Variants in ENG observed in about 807,000 individuals in gnomAD.
ENG encodes endoglin.
Under a neutral mutation model 71.0 loss-of-function variants are expected in ENG, and 17 were observed. That is an observed-to-expected ratio of 0.24 (90% CI 0.16 to 0.36). The LOEUF (loss-of-function observed/expected upper bound fraction) is 0.36. Among genes scored for constraint, ENG ranks in the 10% least tolerant of loss-of-function variants. The pLI is 1.00. For synonymous variants in ENG, 360 were observed against 366.9 expected, an observed-to-expected ratio of 0.98 and a Z score of 0.21; for missense variants, 749 against 868.3, an observed-to-expected ratio of 0.86 and a Z score of 1.73.
chr9:127,819,854 G>A (rs199886604), intron 9 of ENG, 46 bp downstream of exon 9: 455 of 1,613,954 alleles, frequency 2.8e-4, no homozygotes, highest in South Asian at 6.0e-4. Context: ...ACCTGAGGGG[G>A]CACCAACCAG....
chr9:127,825,008 A>G (rs758344251), intron 6 of ENG, 34 bp from the exon 7 acceptor site: 15 of 1,606,288 alleles, frequency 9.3e-6, no homozygotes, highest in South Asian at 2.2e-5. Flanking sequence ...ACAGGGGGCC[A>G]TGGACACAGT....
chr9:127,817,792 T>C, intron 12 of ENG: 1 of 478,124 alleles, frequency 2.1e-6, no homozygotes, highest in Non-Finnish European at 3.9e-6. Context: ...CTGGTGACCA[T>C]ACTACATGGA....
At chr9:127,829,150 A>T (rs2131894409) in intron 3 of ENG, among the ~76,000 whole-genome samples, 1 of 152,282 alleles carries the variant, frequency 6.6e-6, no homozygotes, top group South Asian at 2.1e-4. Flanking sequence ...TGAGTTTTTT[A>T]AAAATACTTT....
chr9:127,846,462 C>T lies in ENG; in HGVS notation c.68-3217G>A, dbSNP rs1334297080. Reference sequence around the variant, plus strand: ...CTCCCTCCTTCCCTTTGGGACTTTCCCTGCCCCCTCCCCAGACTTCCAGGA... The same window carrying T: ...CTCCCTCCTTCCCTTTGGGACTTTCTCTGCCCCCTCCCCAGACTTCCAGGA... On this transcript the variant is annotated intron_variant, in intron 1 of 14. Coordinates refer to ENST00000373203, the MANE Select transcript of ENG (RefSeq NM_001114753.3). The surrounding 1 kb of genome is among the most constrained non-coding windows in gnomAD (Gnocchi z 5.5). 6.6e-6 allele frequency among the ~76,000 whole-genome samples: 1 copy of T among 152,190 alleles called. No homozygotes were observed. The highest frequency in any genetic ancestry group is 2.4e-5 in the African/African-American group (1 of 41,444).
rs41499746 is a variant in ENG at position 127,852,457 on chromosome 9, G to A, written c.67+1832C>T. Among the ~76,000 whole-genome samples, 1,326 of 152,272 alleles carry A rather than the reference G, an allele frequency of 8.7e-3. 22 individuals carry two copies. Among genetic ancestry groups the A allele is most frequent in the African/African-American group, 0.031 (1,280 of 41,554 alleles). On this transcript the variant is annotated intron_variant, in intron 1 of 14. Transcript: ENST00000373203. Reference sequence around the variant, plus strand: ...AGCTTCCCAGACCATAAATGAGTTGGGTTGATGGTCTGTTGTACCTTTGAG... The same window carrying A: ...AGCTTCCCAGACCATAAATGAGTTGAGTTGATGGTCTGTTGTACCTTTGAG...
Position 127,816,065 on chromosome 9 carries a change from C to G in ENG, c.1742-12G>C. On this transcript the variant is annotated splice_polypyrimidine_tract_variant and intron_variant, in intron 13 of 14. Coordinates refer to ENST00000373203, the MANE Select transcript of ENG (RefSeq NM_001114753.3). Reference sequence around the variant, plus strand: ...TTTGCTTGTGCAACCTAGAGAGGGCCGACGCCATCAGCACTGCCACTCTGC... The same window carrying G: ...TTTGCTTGTGCAACCTAGAGAGGGCGGACGCCATCAGCACTGCCACTCTGC... 1 of 1,606,640 alleles carries G rather than the reference C, an allele frequency of 6.2e-7. No individual in the cohort carries two copies. The highest frequency in any genetic ancestry group is 8.5e-7 in the Non-Finnish European group (1 of 1,177,934).
chr9:127,826,684 T>C lies in ENG; in HGVS notation c.361-12A>G. 1.9e-6 allele frequency: 3 copies of C among 1,613,054 alleles called. No individual in the cohort carries two copies. In the South Asian group the frequency reaches 3.3e-5, roughly 18 times the overall value. On this transcript the variant is annotated splice_polypyrimidine_tract_variant and intron_variant, in intron 3 of 14. Coordinates refer to ENST00000373203, the MANE Select transcript of ENG (RefSeq NM_001114753.3). ...ACCAGGCTGGAATTCTGGGGAGACA[T>C]GTGGAGGCTCAGCACGCTGTTCCTG... is the stretch of plus-strand genomic sequence containing the variant.
chr9:127,834,663 A>G (rs1356003917), intron 2 of ENG, among the ~76,000 whole-genome samples: 1 of 151,814 alleles, frequency 6.6e-6, no homozygotes, highest in Non-Finnish European at 1.5e-5. Context: ...TCAGCCTCCC[A>G]AAGTGCTGGG....
intron 3 of ENG, among the ~76,000 whole-genome samples, chr9:127,829,276 C>T (rs897717289): frequency 6.6e-6 from 1 of 152,204 alleles, no homozygotes; most frequent in African/African-American, 2.4e-5. Flanking sequence ...ACTGTTAACA[C>T]GTTAGGTTTT....
At chr9:127,821,917 G>C (rs923541072) in intron 8 of ENG, among the ~76,000 whole-genome samples, 2 of 148,582 alleles carry the variant, frequency 1.3e-5, no homozygotes, top group Non-Finnish European at 3.0e-5. Context: ...AGGCGTGGTG[G>C]TGCACGCCTG....
intron 13 of ENG, chr9:127,816,856 G>C (rs1830331967): frequency 1.9e-6 from 1 of 514,700 alleles, no homozygotes; most frequent in Non-Finnish European, 3.5e-6. Flanking sequence ...TCCCAGCAAG[G>C]TCAGCCAATA....
chr9:127,817,896 G>A, intron 12 of ENG: 1 of 623,210 alleles, frequency 1.6e-6, no homozygotes, highest in Non-Finnish European at 2.8e-6. Context: ...ATGGACAGTG[G>A]CAGCTGCATA....
rs767171893 is a variant in ENG at position 127,824,849 on chromosome 9, G to A, written c.942C>T (p.Phe314=). ...RMLNASIVAS[F]VELPLASIVS... ...CAATGCTGGCCAGCGGTAGCTCCAC[G>A]AAGGATGCCACAATGCTGGCATTGA... Residue 314 remains phenylalanine (F), a synonymous_variant, in exon 7 of 15, where the codon TTC becomes TTT. Transcript: ENST00000373203. The A allele has an allele frequency of 5.0e-6, 8 of 1,604,454 alleles. No individual in the cohort carries two copies. Among genetic ancestry groups the A allele is most frequent in the East Asian group, 2.2e-5 (1 of 44,762 alleles).
intron 1 of ENG, among the ~76,000 whole-genome samples, chr9:127,852,121 G>A (rs1013689643): frequency 5.3e-5 from 8 of 152,120 alleles, no homozygotes; most frequent in Admixed American, 1.3e-4. Flanking sequence ...ATGACATTCC[G>A]TCGTGTGGTA....
Position 127,820,324 on chromosome 9 carries a change from G to T in ENG, c.1135-287C>A, listed in dbSNP as rs189787521. Among the ~76,000 whole-genome samples the T allele has an allele frequency of 9.7e-4, 148 of 151,980 alleles. 1 individual carries two copies. The highest frequency in any genetic ancestry group is 8.1e-3 in the Admixed American group (124 of 15,272). The stretch of plus-strand genomic sequence containing the variant: ...TTCTCCTGCCTTGGCCTCCTGAGTT[G>T]CTGGGATTACAGGCACGTGCCACCA... On this transcript the variant is annotated intron_variant, in intron 8 of 14. Coordinates refer to ENST00000373203, the MANE Select transcript of ENG (RefSeq NM_001114753.3).
chr9:127,853,061 T>C (rs1417291162), intron 1 of ENG, among the ~76,000 whole-genome samples: 1 of 152,206 alleles, frequency 6.6e-6, no homozygotes, highest in East Asian at 1.9e-4. Context: ...GGCAGCCATC[T>C]TGCAGGGTCG....
intron 1 of ENG, among the ~76,000 whole-genome samples, chr9:127,847,438 T>C (rs1831192499): frequency 6.6e-6 from 1 of 152,078 alleles, no homozygotes; most frequent in African/African-American, 2.4e-5. Context: ...CTAGGACAGA[T>C]ACTTTTCTTC....
Position 127,815,491 on chromosome 9 carries a change from G to T in ENG, c.*191C>A. 8.8e-7 allele frequency: 1 copy of T among 1,134,172 alleles called. No individual in the cohort carries two copies. The highest frequency in any genetic ancestry group is 1.2e-6 in the Non-Finnish European group (1 of 826,316). The allele number at this position is 1,134,172 out of a possible 1,614,324, so 70.3% of individuals were successfully genotyped here. A position where few individuals can be genotyped will look rare whatever the true frequency, so the allele number is the denominator to read the frequency against. ...GGTTGAAGGTTCTGTGGGGTGGAGG[G>T]ACCCCAAGGTGTTCCAAGCCAGTGG... is the stretch of plus-strand genomic sequence containing the variant. On this transcript the variant is annotated 3_prime_UTR_variant, in exon 15 of 15. Transcript: ENST00000373203.
intron 2 of ENG, among the ~76,000 whole-genome samples, chr9:127,830,080 G>A (rs760963714): frequency 8.5e-5 from 13 of 152,094 alleles, no homozygotes; most frequent in Non-Finnish European, 1.5e-4. Flanking sequence ...GGTGGCTCAC[G>A]TCTGTAATCC....
Sources: gnomAD v4.1 joint callset for allele counts (sites outside exome capture counted in the v4.1 genomes callset) on GRCh38, gnomAD v4.1.1 for gene constraint, Gnocchi (gnomAD v3.1) non-coding constraint, MANE v1.5 for transcripts, NCBI Gene and HGNC (gene_info 2026-07-23, HGNC 2026-07-21) for gene names.